MACROD2: variants seen among roughly 807,000 people sequenced by gnomAD.
The protein encoded by MACROD2 is ADP-ribose glycohydrolase MACROD2.
MACROD2 carries 36 observed loss-of-function variants against 70.4 expected under a neutral mutation model. The ratio of observed to expected loss-of-function variants is 0.51; its 90% CI spans 0.39 to 0.68. The LOEUF is 0.68. MACROD2 is among the 30% of genes least tolerant of loss of function. The probability of loss-of-function intolerance (pLI) is 0.00; values close to 1 mark genes in which losing one functional copy is unlikely to be tolerated. For missense variants in MACROD2, 496 were observed against 538.4 expected, an observed-to-expected ratio of 0.92 and a Z score of 0.78; for synonymous variants, 172 against 178.8, an observed-to-expected ratio of 0.96 and a Z score of 0.30.
In MACROD2 at chr20:15,850,041, A is replaced by G. The variant is rs570316379; in HGVS notation, c.646-12704A>G. 2.0e-5 allele frequency among the ~76,000 whole-genome samples: 3 copies of G among 152,290 alleles called. No homozygotes were observed. The South Asian group carries it at 6.2e-4, about 32-fold the overall frequency. Reference sequence around the variant, plus strand: ...AGAAGATGAATTACATTGAATTAACACTTGATAGGCTGAATGTTGAGAGAT... The same window carrying G: ...AGAAGATGAATTACATTGAATTAACGCTTGATAGGCTGAATGTTGAGAGAT... On this transcript the variant is annotated intron_variant, in intron 8 of 17. Coordinates refer to ENST00000684519, the MANE Select transcript of MACROD2 (RefSeq NM_001351661.2).
chr20:14,864,355 A>G (rs942385468), intron 5 of MACROD2, among the ~76,000 whole-genome samples: 1 of 152,056 alleles, frequency 6.6e-6, no homozygotes, highest in Non-Finnish European at 1.5e-5. Context: ...GGAGAGGGCT[A>G]TTTCTCCATG....
chr20:15,040,238 C>G (rs2075344923), intron 5 of MACROD2, among the ~76,000 whole-genome samples: 1 of 151,790 alleles, frequency 6.6e-6, no homozygotes, highest in South Asian at 2.1e-4. Flanking sequence ...TGGTAAGAAC[C>G]CAGGAGGCGG....
intron 3 of MACROD2, among the ~76,000 whole-genome samples, chr20:14,399,532 T>G (rs1306497422): frequency 6.6e-6 from 1 of 152,194 alleles, no homozygotes; most frequent in Non-Finnish European, 1.5e-5. Context: ...GATGATAATT[T>G]GCTTTGTTAG....
At chr20:15,379,392 C>T (rs1273416647) in intron 6 of MACROD2, among the ~76,000 whole-genome samples, 1 of 152,014 alleles carries the variant, frequency 6.6e-6, no homozygotes, top group Non-Finnish European at 1.5e-5. Context: ...CTAATATTTG[C>T]CACTCTCAAC....
intron 4 of MACROD2, among the ~76,000 whole-genome samples, chr20:14,646,655 G>A (rs1213609358): frequency 1.3e-5 from 2 of 151,870 alleles, no homozygotes; most frequent in African/African-American, 4.8e-5. Flanking sequence ...GAAACAATGA[G>A]GCTGCACACT....
At chr20:15,807,248 C>T (rs2063777461) in intron 8 of MACROD2, among the ~76,000 whole-genome samples, 1 of 152,152 alleles carries the variant, frequency 6.6e-6, no homozygotes, top group Admixed American at 6.5e-5. Flanking sequence ...GTAGAGCAGG[C>T]AGGTGGATGA....
chr20:15,384,720 T>G (rs1011368148), intron 6 of MACROD2, among the ~76,000 whole-genome samples: 3 of 152,184 alleles, frequency 2.0e-5, no homozygotes, highest in African/African-American at 7.2e-5. Context: ...TAATAACCAG[T>G]ACATTTTTAC....
At chr20:14,391,155 A>G (rs1165270000) in intron 3 of MACROD2, among the ~76,000 whole-genome samples, 1 of 152,214 alleles carries the variant, frequency 6.6e-6, no homozygotes, top group Non-Finnish European at 1.5e-5. Flanking sequence ...TTGTTCTGTT[A>G]TAAAGATACA....
At chr20:14,875,118 C>T (rs6135286) in intron 5 of MACROD2, among the ~76,000 whole-genome samples, 22,513 of 151,974 alleles carry the variant, frequency 0.15, 1,989 homozygotes, top group Non-Finnish European at 0.2. Flanking sequence ...CGCAGTGGCT[C>T]ATGCCTGTAA....
At chr20:15,406,631 C>T (rs1600366711) in intron 6 of MACROD2, among the ~76,000 whole-genome samples, 1 of 152,128 alleles carries the variant, frequency 6.6e-6, no homozygotes, top group African/African-American at 2.4e-5. Flanking sequence ...AAATGGCAGA[C>T]ATGTATCATT....
intron 5 of MACROD2, among the ~76,000 whole-genome samples, chr20:14,730,437 G>T (rs888583927): frequency 2.6e-5 from 4 of 152,174 alleles, no homozygotes; most frequent in South Asian, 2.1e-4. Context: ...AGACTGGCAG[G>T]TCTCTCTCAT....
chr20:14,990,509 C>CTTTTTTTTTTTTT (rs2074892245), intron 5 of MACROD2, among the ~76,000 whole-genome samples: 1 of 142,266 alleles, frequency 7.0e-6, no homozygotes. Context: ...TTTTTTTTTT[C>CTTTTTTTTTTTTT]TTTTTCTTTT....
At chr20:15,945,707 A>C (rs1033595) in intron 12 of MACROD2, among the ~76,000 whole-genome samples, 3 of 152,158 alleles carry the variant, frequency 2.0e-5, no homozygotes, top group South Asian at 2.1e-4. Flanking sequence ...TTAAAAAGTC[A>C]TCAGTGTTAT....
intron 5 of MACROD2, among the ~76,000 whole-genome samples, chr20:15,182,817 A>T (rs925152138): frequency 1.3e-5 from 2 of 152,146 alleles, no homozygotes; most frequent in African/African-American, 4.8e-5. Flanking sequence ...TCTATTTAGG[A>T]TGTGTTCACC....
chr20:14,413,195 G>GT (rs11087089), intron 3 of MACROD2, among the ~76,000 whole-genome samples: 128,604 of 145,302 alleles, frequency 0.89, 56,989 homozygotes, highest in Non-Finnish European at 0.92. Context: ...CTTTACCACT[G>GT]TTTTTTTTTT....
chr20:14,653,529 T>C (rs1368588143), intron 4 of MACROD2, among the ~76,000 whole-genome samples: 1 of 151,848 alleles, frequency 6.6e-6, no homozygotes, highest in Non-Finnish European at 1.5e-5. Context: ...CAATTTTTTT[T>C]TTTTTTTTAA....
rs969329250 is a variant in MACROD2, at chr20:15,647,030, G to A, written c.645+147183G>A. Among the ~76,000 whole-genome samples, 24 of 152,266 alleles carry A rather than the reference G, an allele frequency of 1.6e-4. No individual in the cohort carries two copies. The East Asian group carries it at 1.9e-3, about 12-fold the overall frequency. On this transcript the variant is annotated intron_variant, in intron 8 of 17. Coordinates refer to ENST00000684519, the MANE Select transcript of MACROD2 (RefSeq NM_001351661.2). The stretch of plus-strand genomic sequence containing the variant: ...ATATTGCATCTCATTCTGTGGTATC[G>A]TTTACTTAATCATTTATTCATTCAC...
intron 5 of MACROD2, among the ~76,000 whole-genome samples, chr20:14,741,821 C>T (rs896396244): frequency 7.2e-5 from 11 of 151,856 alleles, no homozygotes; most frequent in African/African-American, 2.4e-4. Context: ...TTAAAATGAG[C>T]CCATTGGATT....
At chr20:14,633,790 A>T (rs1002753270) in intron 4 of MACROD2, among the ~76,000 whole-genome samples, 1 of 152,120 alleles carries the variant, frequency 6.6e-6, no homozygotes, top group Non-Finnish European at 1.5e-5. Context: ...CATTGAAACC[A>T]CCTCAGGCCT....
Sources: allele counts gnomAD v4.1 joint callset (sites outside exome capture counted in the v4.1 genomes callset), GRCh38; gene constraint gnomAD v4.1.1; transcripts MANE v1.5; gene names NCBI Gene and HGNC (gene_info 2026-07-23, HGNC 2026-07-21).